NAA15: variants seen among roughly 807,000 people sequenced by gnomAD.
The protein encoded by NAA15 is N-terminal acetyltransferase.
NAA15 carries 34 observed loss-of-function variants against 114.0 expected under a neutral mutation model. The ratio of observed to expected loss-of-function variants is 0.30; its 90% CI spans 0.23 to 0.40. The LOEUF is 0.40. Ranked by LOEUF, NAA15 falls within the 10% of genes least tolerant of loss-of-function variation. The pLI is 1.00. For missense variants in NAA15, 658 were observed against 1,004.5 expected (o/e 0.66, Z 4.66); for synonymous variants, 340 against 338.0 (o/e 1.01, Z -0.06).
intron 1 of NAA15, among the ~76,000 whole-genome samples, chr4:139,312,211 A>T (rs1349070637): frequency 6.6e-6 from 1 of 151,958 alleles, no homozygotes; most frequent in Non-Finnish European, 1.5e-5. Flanking sequence ...AATAGTTCTG[A>T]AAAGAATGTC....
rs1365276072 is a variant in NAA15 at position 139,389,228 on chromosome 4, C to T, written c.*1144C>T. ...TTTTTTTTTTTTTTCAAATAACAGA[C>T]CAGCTTCTTTTTCTTGCAGTTACAG... On this transcript the variant is annotated 3_prime_UTR_variant, in exon 20 of 20. Coordinates refer to ENST00000296543, the MANE Select transcript of NAA15 (RefSeq NM_057175.5). 1 of 129,594 alleles carries T rather than the reference C, an allele frequency of 7.7e-6. No homozygotes were observed. The highest frequency in any genetic ancestry group is 1.6e-5 in the Non-Finnish European group (1 of 60,948). 8.0% of individuals were successfully genotyped at this position (129,594 alleles called of 1,614,324 possible).
chr4:139,384,794 G>C (rs1641811615), intron 17 of NAA15, 38 bp from the exon 18 acceptor site: 1 of 1,286,850 alleles, frequency 7.8e-7, no homozygotes, highest in African/African-American at 1.5e-5. Context: ...CTTTATCAGA[G>C]TATTCAACTG....
At position 139,344,454 on chromosome 4, in the gene NAA15, C is replaced by G. The variant is rs1299133517; in HGVS notation, c.691+115C>G. On this transcript the variant is annotated intron_variant, in intron 6 of 19. Transcript: ENST00000296543. ...ATTCAGCTTTTTGATGATAGGAAAT[C>G]TATTTCTTACTCGTGTACTTTTAAT... 5 of 763,060 alleles carry G rather than the reference C, an allele frequency of 6.6e-6. No homozygotes were observed. In the East Asian group the frequency reaches 1.3e-4, roughly 20 times the overall value. The allele number at this position is 763,060 out of a possible 1,614,324, so 47.3% of individuals were successfully genotyped here.
rs781538276 is a variant in NAA15, at chr4:139,384,875, A to G, written c.2199A>G (p.Val733=). 2 of 1,553,488 alleles carry G rather than the reference A, an allele frequency of 1.3e-6. No homozygotes were observed. The highest frequency in any genetic ancestry group is 2.8e-5 in the African/African-American group (2 of 72,642). Residue 733 remains valine (V), a synonymous_variant, in exon 18 of 20, where the codon GTA becomes GTG. Transcript: ENST00000296543. ...ATTTATCTGATACAGTTAGAACAGT[A>G]TTAAAACAAGAAATGAATCGTCTTT... ...SKDLSDTVRT[V]LKQEMNRLFG...
intron 1 of NAA15, among the ~76,000 whole-genome samples, chr4:139,325,367 A>C (rs1192557092): frequency 6.6e-6 from 1 of 152,178 alleles, no homozygotes; most frequent in Non-Finnish European, 1.5e-5. Flanking sequence ...GGAGTCAGAG[A>C]GCCTAAATTA....
intron 1 of NAA15, among the ~76,000 whole-genome samples, chr4:139,326,502 A>G (rs947309764): frequency 2.6e-5 from 4 of 152,344 alleles, no homozygotes; most frequent in South Asian, 2.1e-4. Flanking sequence ...GATACTCAGC[A>G]AAGTACTACA....
intron 15 of NAA15, 140 bp downstream of exon 15, chr4:139,370,544 C>T: frequency 2.8e-6 from 2 of 709,726 alleles, no homozygotes; most frequent in African/African-American, 1.9e-5. Flanking sequence ...TTTTAGTATT[C>T]TTTCTTTAAT....
At chr4:139,357,250 A>T in intron 10 of NAA15, 136 bp from the exon 11 acceptor site, 1 of 714,536 alleles carries the variant, frequency 1.4e-6, no homozygotes, top group Non-Finnish European at 2.4e-6. Context: ...TAAACTTAGG[A>T]GGAGTTTTAT....
chr4:139,374,556 C>A (rs1165947572), intron 15 of NAA15, among the ~76,000 whole-genome samples: 2 of 152,114 alleles, frequency 1.3e-5, no homozygotes, highest in Admixed American at 1.3e-4. Context: ...ATTTTTATAT[C>A]TGCCTGTCTT....
At chr4:139,305,959 A>AT (rs150661200) in intron 1 of NAA15, among the ~76,000 whole-genome samples, 3,374 of 152,158 alleles carry the variant, frequency 0.022, 51 homozygotes, top group Non-Finnish European at 0.032. Flanking sequence ...CAAAATAAAC[A>AT]TTTTTTTCCT....
intron 1 of NAA15, among the ~76,000 whole-genome samples, chr4:139,321,471 G>GTTTTTTTT (rs909254599): frequency 8.8e-6 from 1 of 113,238 alleles, no homozygotes. Flanking sequence ...GCCCTTATTT[G>GTTTTTTTT]TTTTTTTTTT....
Position 139,373,722 on chromosome 4 carries a change from G to A in NAA15, c.1948-2643G>A, listed in dbSNP as rs1238869887. 3.3e-5 allele frequency among the ~76,000 whole-genome samples: 5 copies of A among 151,070 alleles called. No homozygotes were observed. The East Asian group carries it at 9.7e-4, about 29-fold the overall frequency. On this transcript the variant is annotated intron_variant, in intron 15 of 19. Transcript: ENST00000296543. ...TGTTTGCTTTTTTTTTTTTGAGATG[G>A]AATCTCACTCTGTCACCCAGGCTGG... is the stretch of plus-strand genomic sequence containing the variant.
At chr4:139,375,630 C>T (rs568722521) in intron 15 of NAA15, among the ~76,000 whole-genome samples, 1 of 152,068 alleles carries the variant, frequency 6.6e-6, no homozygotes, top group South Asian at 2.1e-4. Context: ...ATATAGAATC[C>T]AGATGTTTAG....
At chr4:139,353,384 T>G (rs1490689137) in intron 9 of NAA15, among the ~76,000 whole-genome samples, 1 of 152,216 alleles carries the variant, frequency 6.6e-6, no homozygotes, top group Non-Finnish European at 1.5e-5. Context: ...GTCAGTTAGG[T>G]TGAGGTCATT....
In NAA15 at chr4:139,361,856, G is replaced by A. The variant is rs1466325872; in HGVS notation, c.1672G>A (p.Ala558Thr). The change falls in exon 14 of 20, where the codon GCA (alanine) becomes ACA (threonine). Residue 558 changes from alanine (A) to threonine (T), a missense_variant. This residue lies in a region of NAA15 where 275 missense variants were observed against 371.1 expected (regional missense o/e 0.74). Transcript: ENST00000296543. Reference protein sequence around the residue: ...LRQHPFYFKAARIAIEIYLKL... With the variant: ...LRQHPFYFKATRIAIEIYLKL... ...ACAGCATCCATTTTACTTCAAGGCA[G>A]CAAGAATTGCTATAGAGATCTATTT... 1 of 1,613,752 alleles carries A rather than the reference G, an allele frequency of 6.2e-7. No individual in the cohort carries two copies. The highest frequency in any genetic ancestry group is 1.1e-5 in the South Asian group (1 of 91,072).
intron 14 of NAA15, among the ~76,000 whole-genome samples, chr4:139,369,757 AAG>A (rs1446935194): frequency 1.3e-5 from 2 of 151,000 alleles, no homozygotes; most frequent in Non-Finnish European, 2.9e-5. Context: ...AAAAAAAAAA[AAG>A]GCTACATACA....
chr4:139,387,528 T>TTA (rs1484325563), intron 19 of NAA15, among the ~76,000 whole-genome samples: 2 of 152,194 alleles, frequency 1.3e-5, no homozygotes, highest in Admixed American at 6.5e-5. Context: ...ATCTAGATGT[T>TTA]TATACCCAGG....
intron 1 of NAA15, among the ~76,000 whole-genome samples, chr4:139,330,654 G>T (rs769200055): frequency 3.9e-5 from 6 of 152,140 alleles, no homozygotes; most frequent in African/African-American, 7.2e-5. Context: ...AAGACTTGGT[G>T]CAGAATACAT....
At chr4:139,375,130 C>T (rs1748547065) in intron 15 of NAA15, among the ~76,000 whole-genome samples, 1 of 152,152 alleles carries the variant, frequency 6.6e-6, no homozygotes, top group Non-Finnish European at 1.5e-5. Context: ...AACTGTTTCT[C>T]CCCTTGTACC....
Sources: allele counts gnomAD v4.1 joint callset (sites outside exome capture counted in the v4.1 genomes callset), GRCh38; gene constraint gnomAD v4.1.1; regional missense constraint gnomAD v4.1.1; transcripts MANE v1.5; gene names NCBI Gene and HGNC (gene_info 2026-07-23, HGNC 2026-07-21).